KBTBD3: variants seen among roughly 807,000 people sequenced by gnomAD.
KBTBD3 encodes the protein kelch repeat and BTB domain-containing protein 3.
KBTBD3 carries 38 observed loss-of-function variants against 49.6 expected under a neutral mutation model. The ratio of observed to expected loss-of-function variants is 0.77; its 90% CI spans 0.59 to 1.00. The LOEUF (loss-of-function observed/expected upper bound fraction) is 1.00. KBTBD3 is among the 50% of genes least tolerant of loss of function. The probability of loss-of-function intolerance (pLI) is 0.00; values close to 1 mark genes in which losing one functional copy is unlikely to be tolerated. For synonymous variants in KBTBD3, 214 were observed against 250.4 expected (o/e 0.85, Z 1.37); for missense variants, 661 against 712.0 (o/e 0.93, Z 0.81).
chr11:106,058,016 T>C (rs940147956), intron 3 of KBTBD3: 13 of 398,408 alleles, frequency 3.3e-5, no homozygotes, highest in Non-Finnish European at 4.0e-5. Flanking sequence ...GGGATTAATG[T>C]TCCAGAGAAC....
At chr11:106,077,212 C>A in intron 1 of KBTBD3, 100 bp downstream of exon 1, 1 of 161,094 alleles carries the variant, frequency 6.2e-6, no homozygotes, top group Non-Finnish European at 1.4e-5. Flanking sequence ...GCAGCTGAAG[C>A]CAAGGACATT....
At position 106,053,276 on chromosome 11, in the gene KBTBD3, T is replaced by C; in HGVS notation, c.1413A>G (p.Pro471=). 6.2e-7 allele frequency: 1 copy of C among 1,613,688 alleles called. No individual in the cohort carries two copies. Among genetic ancestry groups the C allele is most frequent in the South Asian group, 1.1e-5 (1 of 91,076 alleles). ...SEVEITDAFN[P]SLDCFFKYNA... is the part of the protein sequence containing the mutation. ...TGTATTTAAAAAAGCAATCAAGTGA[T>C]GGGTTAAAAGCATCTGTAATCTCTA... The change falls in exon 4 of 4, where the codon CCA becomes CCG. Residue 471 remains proline, a synonymous_variant. Transcript: ENST00000531837.
intron 2 of KBTBD3, among the ~76,000 whole-genome samples, chr11:106,065,695 T>C (rs781430250): frequency 1.3e-5 from 2 of 152,122 alleles, no homozygotes; most frequent in Non-Finnish European, 2.9e-5. Context: ...GCGCGGTGGC[T>C]CATGCCTGTA....
intron 3 of KBTBD3, chr11:106,057,663 A>T (rs1260621393): frequency 1.8e-5 from 3 of 167,756 alleles, no homozygotes; most frequent in Non-Finnish European, 3.8e-5. Flanking sequence ...GGTGATCTAC[A>T]TGGGAAACCA....
chr11:106,064,944 CA>C (rs897616969), intron 2 of KBTBD3, among the ~76,000 whole-genome samples: 20 of 152,156 alleles, frequency 1.3e-4, no homozygotes, highest in African/African-American at 4.8e-4. Flanking sequence ...CACTGAGGAT[CA>C]AAAGATAGGT....
At chr11:106,058,742 G>GTTT in intron 3 of KBTBD3, 123 bp downstream of exon 3, 14 of 544,374 alleles carry the variant, frequency 2.6e-5, no homozygotes, top group Admixed American at 4.4e-5. Flanking sequence ...TTTTGTTTTT[G>GTTT]TTTTTTTTTT....
At chr11:106,061,701 T>C (rs1232918618) in intron 2 of KBTBD3, among the ~76,000 whole-genome samples, 1 of 151,894 alleles carries the variant, frequency 6.6e-6, no homozygotes. Context: ...AGTCTCCTGC[T>C]TGCTGACTAC....
At chr11:106,065,222 G>A (rs909490331) in intron 2 of KBTBD3, among the ~76,000 whole-genome samples, 3 of 152,132 alleles carry the variant, frequency 2.0e-5, no homozygotes, top group African/African-American at 4.8e-5. Context: ...TGGCCAAGAT[G>A]GTCTTGATCT....
At chr11:106,059,152 C>T in intron 2 of KBTBD3, 43 bp from the exon 3 acceptor site, 1 of 1,158,532 alleles carries the variant, frequency 8.6e-7, no homozygotes, top group Non-Finnish European at 1.2e-6. Context: ...AGACCTAATG[C>T]AAGTTTCAGA....
chr11:106,054,789 A>G (rs999707806), intron 3 of KBTBD3, among the ~76,000 whole-genome samples: 5 of 151,992 alleles, frequency 3.3e-5, no homozygotes, highest in Non-Finnish European at 5.9e-5. Flanking sequence ...TTCTTTATTT[A>G]TGGATTAATT....
At chr11:106,066,057 T>C (rs1591537537) in intron 2 of KBTBD3, among the ~76,000 whole-genome samples, 1 of 151,932 alleles carries the variant, frequency 6.6e-6, no homozygotes, top group South Asian at 2.1e-4. Context: ...GAGAAACTTG[T>C]GCATGTTAAT....
chr11:106,058,052 C>A, intron 3 of KBTBD3: 1 of 398,416 alleles, frequency 2.5e-6, no homozygotes, highest in Non-Finnish European at 4.4e-6. Flanking sequence ...CCTGGGAAGA[C>A]CTATACGTTA....
chr11:106,053,704 G>C lies in KBTBD3; in HGVS notation c.985C>G (p.Leu329Val), dbSNP rs1368268401. The part of the protein sequence containing the change: ...DSWKILPQSH[L>V]IDLPGSSLSS... Reference sequence around the variant, plus strand: ...AGACTAGATCCTGGCAAATCAATCAGGTGTGATTGCGGCAGTATTTTCCAT... The same window carrying C: ...AGACTAGATCCTGGCAAATCAATCACGTGTGATTGCGGCAGTATTTTCCAT... Residue 329 changes from leucine (L) to valine (V), a missense_variant, in exon 4 of 4, where the codon CTG (leucine) becomes GTG (valine). Transcript: ENST00000531837. 1 of 1,613,594 alleles carries C rather than the reference G, an allele frequency of 6.2e-7. No homozygotes were observed.
intron 2 of KBTBD3, chr11:106,075,611 C>T (rs1201064118): frequency 6.6e-6 from 1 of 152,148 alleles, no homozygotes. Flanking sequence ...AAGGTTTAAG[C>T]TAAGCTCTGG....
chr11:106,057,771 A>G (rs1390777597), intron 3 of KBTBD3: 2 of 324,096 alleles, frequency 6.2e-6, no homozygotes, highest in African/African-American at 4.3e-5. Context: ...TAAGGAGAGG[A>G]TGAATTTGCT....
intron 2 of KBTBD3, among the ~76,000 whole-genome samples, chr11:106,072,496 T>A (rs1473301035): frequency 6.6e-6 from 1 of 152,204 alleles, no homozygotes; most frequent in Non-Finnish European, 1.5e-5. Context: ...CCAGCTTCAA[T>A]GAAACACCTT....
chr11:106,060,648 G>A (rs943498344), intron 2 of KBTBD3, among the ~76,000 whole-genome samples: 1 of 152,148 alleles, frequency 6.6e-6, no homozygotes, highest in Non-Finnish European at 1.5e-5. Context: ...AACTCAAGAT[G>A]GATTAGAGAC....
At chr11:106,057,919 T>G (rs1860587316) in intron 3 of KBTBD3, 4 of 394,812 alleles carry the variant, frequency 1.0e-5, no homozygotes, top group Non-Finnish European at 4.5e-6. Context: ...ACCTGTCGTC[T>G]TCTTTTTCTA....
chr11:106,074,594 A>G (rs796925109), intron 2 of KBTBD3, among the ~76,000 whole-genome samples: 5 of 152,332 alleles, frequency 3.3e-5, no homozygotes, highest in African/African-American at 9.6e-5. Flanking sequence ...GCAATGTAAC[A>G]TAAGAATTAA....
Sources: gnomAD v4.1 joint callset for allele counts (sites outside exome capture counted in the v4.1 genomes callset) on GRCh38, gnomAD v4.1.1 for gene constraint, MANE v1.5 for transcripts, NCBI Gene and HGNC (gene_info 2026-07-23, HGNC 2026-07-21) for gene names.